ALCAM: variants seen among roughly 807,000 people sequenced by gnomAD.
ALCAM encodes activated leukocyte cell adhesion molecule, also known as CD166 antigen.
Under a neutral mutation model 70.9 loss-of-function variants are expected in ALCAM, and 30 were observed. The ratio of observed to expected loss-of-function variants is 0.42; its 90% CI spans 0.32 to 0.57. The LOEUF (loss-of-function observed/expected upper bound fraction) is 0.57, where lower values mean the gene tolerates loss of function less well. ALCAM is among the 20% of genes least tolerant of loss of function. The probability of loss-of-function intolerance (pLI) is 0.11; values close to 1 mark genes in which losing one functional copy is unlikely to be tolerated. For synonymous variants in ALCAM, 249 were observed against 242.5 expected (o/e 1.03, Z -0.25); for missense variants, 591 against 695.1 (o/e 0.85, Z 1.68).
chr3:105,424,561 G>A (rs372427214), intron 1 of ALCAM, among the ~76,000 whole-genome samples: 6 of 151,756 alleles, frequency 4.0e-5, no homozygotes, highest in African/African-American at 1.2e-4. Context: ...TAGTTGGATG[G>A]CCAGTTTAAA....
rs182276578 is a variant in ALCAM at position 105,404,073 on chromosome 3, G to A, written c.73+36592G>A. On this transcript the variant is annotated intron_variant, in intron 1 of 15. Transcript: ENST00000306107. ...ATGGAAAAAAAATGAACAAAGCCTC[G>A]AAGAAGTTTGGGACTATGTTCAACA... is the stretch of plus-strand genomic sequence containing the variant. 5.8e-4 allele frequency among the ~76,000 whole-genome samples: 88 copies of A among 151,814 alleles called. No individual in the cohort carries two copies. The East Asian group carries it at 0.014, about 25-fold the overall frequency.
At chr3:105,457,149 TC>T (rs775990330) in intron 1 of ALCAM, among the ~76,000 whole-genome samples, 3 of 152,214 alleles carry the variant, frequency 2.0e-5, no homozygotes, top group Admixed American at 6.5e-5. Context: ...TTAAAATACA[TC>T]TTAAAAGATT....
intron 1 of ALCAM, among the ~76,000 whole-genome samples, chr3:105,443,327 C>G (rs910798175): frequency 1.3e-5 from 2 of 152,150 alleles, no homozygotes; most frequent in Non-Finnish European, 2.9e-5. Context: ...TTCTCCAGAT[C>G]CTGATATGTC....
chr3:105,545,307 G>A lies in ALCAM; in HGVS notation c.1076G>A (p.Ser359Asn). 1 of 1,608,246 alleles carries A rather than the reference G, an allele frequency of 6.2e-7. No homozygotes were observed. Among genetic ancestry groups the A allele is most frequent in the Non-Finnish European group, 8.5e-7 (1 of 1,175,660 alleles). ...ALPVSCTISA[S>N]RNATVVWMKD... ...CCCGTGTCATGCACAATATCTGCTA[G>A]CAGGAATGCAACTGTGGTATGGATG... Residue 359 changes from serine (S) to asparagine (N), a missense_variant, in exon 9 of 16, where the codon AGC (serine) becomes AAC (asparagine). Coordinates refer to ENST00000306107, the MANE Select transcript of ALCAM (RefSeq NM_001627.4).
intron 6 of ALCAM, 104 bp from the exon 7 acceptor site, chr3:105,539,871 T>C: frequency 8.2e-7 from 1 of 1,217,922 alleles, no homozygotes. Context: ...TTACCATTAC[T>C]AGCTTCTTGA....
At chr3:105,411,015 G>T (rs1032590026) in intron 1 of ALCAM, among the ~76,000 whole-genome samples, 1 of 151,960 alleles carries the variant, frequency 6.6e-6, no homozygotes, top group South Asian at 2.1e-4. Context: ...CATTAATGGA[G>T]TTGTTAAACA....
Position 105,545,257 on chromosome 3 carries a change from G to T in ALCAM, c.1026G>T (p.Val342=). The part of the protein sequence containing the change: ...LDLSLNPSGE[V]TRQIGDALPV... ...TGTCCTTAAACCCAAGTGGAGAAGT[G>T]ACTAGACAGATTGGTGATGCCCTAC... is the stretch of plus-strand genomic sequence containing the variant. Residue 342 remains valine, a synonymous_variant, in exon 9 of 16, where the codon GTG becomes GTT. Coordinates refer to ENST00000306107, the MANE Select transcript of ALCAM (RefSeq NM_001627.4). 1.2e-6 allele frequency: 2 copies of T among 1,609,096 alleles called. No individual in the cohort carries two copies. The highest frequency in any genetic ancestry group is 2.2e-5 in the South Asian group (2 of 90,974).
chr3:105,457,626 T>G (rs1306386250), intron 1 of ALCAM, among the ~76,000 whole-genome samples: 4 of 152,044 alleles, frequency 2.6e-5, no homozygotes, highest in Non-Finnish European at 5.9e-5. Context: ...GTAGAATGAA[T>G]AAGACGAAGC....
chr3:105,454,646 C>G (rs1016890164), intron 1 of ALCAM, among the ~76,000 whole-genome samples: 14 of 131,604 alleles, frequency 1.1e-4, no homozygotes, highest in Admixed American at 2.4e-4. Flanking sequence ...ATAGTAGATG[C>G]TCATTAATTT....
intron 1 of ALCAM, among the ~76,000 whole-genome samples, chr3:105,511,212 A>T (rs1363089846): frequency 6.6e-6 from 1 of 152,032 alleles, no homozygotes; most frequent in East Asian, 1.9e-4. Flanking sequence ...CCACTGGGCT[A>T]CCATTGTGGG....
At chr3:105,408,578 A>G (rs1936306998) in intron 1 of ALCAM, among the ~76,000 whole-genome samples, 1 of 152,184 alleles carries the variant, frequency 6.6e-6, no homozygotes, top group Admixed American at 6.5e-5. Context: ...TAAATCTAAG[A>G]CCTGAATCTA....
intron 3 of ALCAM, 122 bp downstream of exon 3, chr3:105,524,630 C>A: frequency 6.9e-7 from 1 of 1,441,258 alleles, no homozygotes; most frequent in Non-Finnish European, 9.1e-7. Context: ...TATAAGGGGA[C>A]TTAAAGAGAT....
intron 2 of ALCAM, among the ~76,000 whole-genome samples, chr3:105,520,549 A>G (rs1170971338): frequency 2.0e-5 from 3 of 152,234 alleles, no homozygotes; most frequent in Non-Finnish European, 4.4e-5. Context: ...AAGACAAGAT[A>G]TATCAGTAGA....
rs368103479 is a variant in ALCAM, at chr3:105,508,368, T to C, written c.74-11699T>C. 8.5e-5 allele frequency among the ~76,000 whole-genome samples: 13 copies of C among 152,184 alleles called. No individual in the cohort carries two copies. In the South Asian group the frequency reaches 2.3e-3, roughly 27 times the overall value. Reference sequence around the variant, plus strand: ...GCTCTATCTCCATCACATACTGGCTTCGTGATATTGGCTTATTCTCTTGAC... The same window carrying C: ...GCTCTATCTCCATCACATACTGGCTCCGTGATATTGGCTTATTCTCTTGAC... On this transcript the variant is annotated intron_variant, in intron 1 of 15. Transcript: ENST00000306107.
At chr3:105,479,304 A>G (rs923390181) in intron 1 of ALCAM, among the ~76,000 whole-genome samples, 2 of 152,162 alleles carry the variant, frequency 1.3e-5, no homozygotes, top group Non-Finnish European at 1.5e-5. Flanking sequence ...AGGCAAATAT[A>G]TACTACAGGA....
chr3:105,547,271 T>C lies in ALCAM; in HGVS notation c.1227T>C (p.Thr409=). The C allele has an allele frequency of 6.3e-7, 1 of 1,595,148 alleles. No homozygotes were observed. Among genetic ancestry groups the C allele is most frequent in the Non-Finnish European group, 8.5e-7 (1 of 1,172,408 alleles). ...GACTAAAGAAAAGAGAGTCATTGAC[T>C]CTCATTGTAGAAGGTAATAAAATAC... is the stretch of plus-strand genomic sequence containing the variant. ...VEGLKKRESL[T]LIVEGKPQIK... is the part of the protein sequence containing the mutation. Residue 409 remains threonine (T), a synonymous_variant, in exon 10 of 16, where the codon ACT becomes ACC. Transcript: ENST00000306107.
At chr3:105,533,383 A>C (rs900170221) in intron 4 of ALCAM, among the ~76,000 whole-genome samples, 1 of 152,204 alleles carries the variant, frequency 6.6e-6, no homozygotes, top group Admixed American at 6.5e-5. Context: ...TTGCACATTT[A>C]AAAATCGTCA....
intron 1 of ALCAM, among the ~76,000 whole-genome samples, chr3:105,406,614 C>A (rs531213618): frequency 2.6e-4 from 39 of 151,866 alleles, no homozygotes; most frequent in South Asian, 4.2e-4. Flanking sequence ...AATAGACAAT[C>A]TAAAGTCACA....
At chr3:105,379,131 T>G (rs1706677622) in intron 1 of ALCAM, among the ~76,000 whole-genome samples, 1 of 152,034 alleles carries the variant, frequency 6.6e-6, no homozygotes, top group Admixed American at 6.6e-5. Flanking sequence ...CAAGTTCATT[T>G]GGTAGGAATA....
Sources: allele counts gnomAD v4.1 joint callset (sites outside exome capture counted in the v4.1 genomes callset), GRCh38; gene constraint gnomAD v4.1.1; transcripts MANE v1.5; gene names NCBI Gene and HGNC (gene_info 2026-07-23, HGNC 2026-07-21).